The following RIMS2 variants were observed in gnomAD, a reference collection of about 807,000 sequenced individuals.
The protein encoded by RIMS2 is regulating synaptic membrane exocytosis protein 2.
RIMS2 carries 59 observed loss-of-function variants against 174.4 expected under a neutral mutation model. The observed-to-expected ratio is 0.34, with a 90% confidence interval of 0.27 to 0.42. RIMS2 has a LOEUF of 0.42. Among genes scored for constraint, RIMS2 ranks in the 10% least tolerant of loss-of-function variants. RIMS2 has a pLI of 1.00. For missense variants in RIMS2, 1,620 were observed against 1,666.3 expected (o/e 0.97, Z 0.48); for synonymous variants, 606 against 572.5 (o/e 1.06, Z -0.84).
intron 14 of RIMS2, among the ~76,000 whole-genome samples, chr8:103,954,432 T>C (rs55795635): frequency 0.14 from 19,678 of 137,534 alleles, 1,700 homozygotes; most frequent in Non-Finnish European, 0.21. Flanking sequence ...CAAATTAGAA[T>C]TCAGGATTAA....
intron 1 of RIMS2, among the ~76,000 whole-genome samples, chr8:103,588,481 A>G (rs1195196527): frequency 6.6e-6 from 1 of 152,028 alleles, no homozygotes; most frequent in Non-Finnish European, 1.5e-5. Flanking sequence ...CCAAAACTGG[A>G]GGAATCACAT....
intron 1 of RIMS2, among the ~76,000 whole-genome samples, chr8:103,623,396 A>T (rs1378914017): frequency 6.6e-6 from 1 of 150,590 alleles, no homozygotes; most frequent in Non-Finnish European, 1.5e-5. Flanking sequence ...AATATGTAGT[A>T]TGTGTGGCAA....
At chr8:104,185,978 C>T (rs1466697644) in intron 19 of RIMS2, among the ~76,000 whole-genome samples, 2 of 151,472 alleles carry the variant, frequency 1.3e-5, no homozygotes, top group African/African-American at 4.8e-5. Flanking sequence ...TAGAATCAAC[C>T]TAAGTGTCTG....
At position 103,851,912 on chromosome 8, in the gene RIMS2, CA is replaced by C. The variant is rs879435060; in HGVS notation, c.699-33375del. ...TTGTATGGTTCAGCCCTGTAAAGAA[CA>C]AAAAAAAAAATTAGAACTAGCTAGA... On this transcript the variant is annotated intron_variant, in intron 3 of 23. Coordinates refer to ENST00000504942, the Ensembl canonical transcript of RIMS2. Among the ~76,000 whole-genome samples, 646 of 144,392 alleles carry C rather than the reference CA, an allele frequency of 4.5e-3. 3 individuals carry two copies. The highest frequency in any genetic ancestry group is 5.9e-3 in the African/African-American group (233 of 39,590). 94.7% of individuals were successfully genotyped at this position (144,392 alleles called of 152,430 possible).
At chr8:103,534,950 T>C (rs1839109807) in intron 1 of RIMS2, among the ~76,000 whole-genome samples, 1 of 152,234 alleles carries the variant, frequency 6.6e-6, no homozygotes, top group African/African-American at 2.4e-5. Context: ...TTGAGACTTA[T>C]TTGAAATCTT....
At chr8:103,748,762 A>G (rs1591573470) in intron 2 of RIMS2, among the ~76,000 whole-genome samples, 1 of 151,688 alleles carries the variant, frequency 6.6e-6, no homozygotes, top group African/African-American at 2.4e-5. Flanking sequence ...TTCATGTTCC[A>G]ATCACCATTT....
At chr8:103,828,730 T>G (rs1016136876) in intron 3 of RIMS2, among the ~76,000 whole-genome samples, 17 of 152,108 alleles carry the variant, frequency 1.1e-4, no homozygotes, top group Non-Finnish European at 2.1e-4. Context: ...CCATCTTAAG[T>G]TGATTTTTGT....
intron 16 of RIMS2, among the ~76,000 whole-genome samples, chr8:103,979,793 A>T (rs1259878901): frequency 2.6e-5 from 4 of 151,828 alleles, no homozygotes; most frequent in South Asian, 4.2e-4. Flanking sequence ...GAGCGCAGTG[A>T]CTGGGGAACT....
chr8:103,516,280 G>A (rs1329260775), intron 1 of RIMS2, among the ~76,000 whole-genome samples: 1 of 151,988 alleles, frequency 6.6e-6, no homozygotes, highest in East Asian at 1.9e-4. Context: ...AGAATTATAG[G>A]AGTACAGGAA....
chr8:103,649,790 A>G (rs1416023443), intron 1 of RIMS2, among the ~76,000 whole-genome samples: 4 of 151,918 alleles, frequency 2.6e-5, no homozygotes, highest in African/African-American at 9.7e-5. Flanking sequence ...ATTCCTCTCT[A>G]AACTGGCTAT....
intron 1 of RIMS2, among the ~76,000 whole-genome samples, chr8:103,627,248 A>T (rs1450539900): frequency 1.3e-5 from 2 of 152,224 alleles, no homozygotes; most frequent in African/African-American, 2.4e-5. Context: ...CCCTGCAAGA[A>T]GAAAAATATG....
At chr8:104,091,580 G>T (rs1358429451) in intron 19 of RIMS2, among the ~76,000 whole-genome samples, 1 of 150,040 alleles carries the variant, frequency 6.7e-6, no homozygotes, top group Non-Finnish European at 1.5e-5. Flanking sequence ...AATAAATTTT[G>T]TGAAAATATG....
intron 3 of RIMS2, among the ~76,000 whole-genome samples, chr8:103,807,204 AAAAG>A (rs774167062): frequency 3.4e-5 from 5 of 148,812 alleles, no homozygotes; most frequent in Admixed American, 6.7e-5. Context: ...GAGAGCCAAC[AAAAG>A]ACACTGTGAA....
intron 17 of RIMS2, among the ~76,000 whole-genome samples, chr8:104,005,908 T>C (rs376613367): frequency 1.2e-3 from 175 of 152,110 alleles, no homozygotes; most frequent in African/African-American, 7.5e-4. Context: ...AAACAGTCTA[T>C]GTAGAACATA....
intron 3 of RIMS2, among the ~76,000 whole-genome samples, chr8:103,835,225 C>A (rs945912798): frequency 6.6e-6 from 1 of 151,918 alleles, no homozygotes; most frequent in Admixed American, 6.6e-5. Context: ...CCTCAGCCTC[C>A]CGAGTAGCTG....
At chr8:103,834,680 CTTTCTTTCTTTCTTTCTTTCTTT>C (rs2098848538) in intron 3 of RIMS2, among the ~76,000 whole-genome samples, 1 of 39,698 alleles carries the variant, frequency 2.5e-5, no homozygotes, top group Non-Finnish European at 4.4e-5. Flanking sequence ...AGGTCTTTTT[CTTTCTTTCTTTCTTTCTTTCTTT>C]CTTTCTTTCT....
At chr8:103,509,237 T>C (rs1825289584) in intron 1 of RIMS2, among the ~76,000 whole-genome samples, 2 of 152,104 alleles carry the variant, frequency 1.3e-5, no homozygotes, top group Non-Finnish European at 2.9e-5. Flanking sequence ...CCCTTCTTAA[T>C]AGCTTATAAA....
At chr8:104,007,624 T>TC (rs2095629698) in intron 17 of RIMS2, among the ~76,000 whole-genome samples, 1 of 152,186 alleles carries the variant, frequency 6.6e-6, no homozygotes, top group African/African-American at 2.4e-5. Context: ...TATTTCAAAT[T>TC]CCCCATTTGA....
chr8:104,028,014 T>C (rs2096292498), intron 19 of RIMS2, among the ~76,000 whole-genome samples: 1 of 152,090 alleles, frequency 6.6e-6, no homozygotes, highest in Non-Finnish European at 1.5e-5. Context: ...CACTGCAGCC[T>C]TGACCTCCTG....
Sources: gnomAD v4.1 joint callset for allele counts (sites outside exome capture counted in the v4.1 genomes callset) on GRCh38, gnomAD v4.1.1 for gene constraint, MANE v1.5 for transcripts, NCBI Gene and HGNC (gene_info 2026-07-23, HGNC 2026-07-21) for gene names.